The following EML4 variants were observed in gnomAD, a reference collection of about 807,000 sequenced individuals.
EML4 encodes the protein echinoderm microtubule-associated protein-like 4.
EML4 carries 72 observed loss-of-function variants against 129.0 expected under a neutral mutation model. That is an observed-to-expected ratio of 0.56 (90% CI 0.46 to 0.68). EML4 has a LOEUF of 0.68. Among genes scored for constraint, EML4 ranks in the 30% least tolerant of loss-of-function variants. The pLI, the probability that EML4 is intolerant of heterozygous loss-of-function variation, is 0.00. For missense variants in EML4, 1,363 were observed against 1,190.6 expected (o/e 1.14, Z -2.13); for synonymous variants, 532 against 405.0 (o/e 1.31, Z -3.77).
intron 19 of EML4, among the ~76,000 whole-genome samples, chr2:42,320,674 G>C (rs531697503): frequency 6.6e-6 from 1 of 152,232 alleles, no homozygotes; most frequent in South Asian, 2.1e-4. Flanking sequence ...TATTTTCCTT[G>C]AAAGATTTTA....
At chr2:42,299,779 C>T (rs1668177275) in intron 13 of EML4, among the ~76,000 whole-genome samples, 1 of 152,184 alleles carries the variant, frequency 6.6e-6, no homozygotes, top group Admixed American at 6.5e-5. Flanking sequence ...ACCTCCGCCT[C>T]CCAGGTTCAA....
At chr2:42,252,124 C>A (rs976202685) in intron 2 of EML4, among the ~76,000 whole-genome samples, 3 of 152,152 alleles carry the variant, frequency 2.0e-5, no homozygotes, top group African/African-American at 7.2e-5. Flanking sequence ...AGAAGGATTT[C>A]AGATTTTGAG....
At chr2:42,297,304 T>C (rs72972041) in intron 13 of EML4, among the ~76,000 whole-genome samples, 1 of 152,208 alleles carries the variant, frequency 6.6e-6, no homozygotes, top group Admixed American at 6.5e-5. Context: ...ACAGTGACTT[T>C]TAAATTGTTC....
chr2:42,252,605 G>C (rs755642417), intron 2 of EML4, among the ~76,000 whole-genome samples: 5 of 152,076 alleles, frequency 3.3e-5, no homozygotes, highest in Non-Finnish European at 7.4e-5. Context: ...CCCCTCTTTT[G>C]TTCTACGTGC....
chr2:42,265,064 G>T, intron 6 of EML4: 1 of 1,025,454 alleles, frequency 9.8e-7, no homozygotes, highest in Non-Finnish European at 1.5e-6. Flanking sequence ...AGGAAATACA[G>T]TGATTTGAGC....
At chr2:42,325,954 A>C (rs1377524706) in intron 20 of EML4, 200 bp from the exon 21 acceptor site, 2 of 356,058 alleles carry the variant, frequency 5.6e-6, no homozygotes, top group Admixed American at 1.3e-4. Context: ...AGGAAAAAAA[A>C]AACTTCCATG....
rs1336504341 is a variant in EML4 at position 42,328,949 on chromosome 2, A to T, written c.2405A>T (p.Lys802Met). ...GCACTGGTGCGATCCCACAATAGAA[A>T]GGTGATAGCTGTTGCCGATGACTTT... ...INALVRSHNRKVIAVADDFCK... is the reference protein window; with the variant it reads ...INALVRSHNRMVIAVADDFCK... Residue 802 changes from lysine to methionine, a missense_variant, in exon 22 of 23, where the codon AAG (lysine) becomes ATG (methionine). Lys to Met is a moderately conservative substitution (Grantham distance 95). Transcript: ENST00000318522. 1.2e-6 allele frequency: 2 copies of T among 1,613,564 alleles called. No homozygotes were observed. Among genetic ancestry groups the T allele is most frequent in the Non-Finnish European group, 1.7e-6 (2 of 1,179,792 alleles).
chr2:42,284,677 A>G lies in EML4; in HGVS notation c.985A>G (p.Ile329Val). The G allele has an allele frequency of 6.2e-7, 1 of 1,612,934 alleles. No individual in the cohort carries two copies. The highest frequency in any genetic ancestry group is 8.5e-7 in the Non-Finnish European group (1 of 1,179,418). ...PDKIRIATGQ[I>V]AGVDKDGRPL... ...CAAAATTAGGATTGCAACTGGACAG[A>G]TAGCTGGCGTGGATAAAGATGGAAG... The change falls in exon 9 of 23, where the codon ATA becomes GTA. Residue 329 changes from isoleucine (I) to valine (V), a missense_variant. Coordinates refer to ENST00000318522, the MANE Select transcript of EML4 (RefSeq NM_019063.5).
chr2:42,186,791 T>G (rs949728026), intron 1 of EML4, among the ~76,000 whole-genome samples: 1 of 152,160 alleles, frequency 6.6e-6, no homozygotes, highest in Non-Finnish European at 1.5e-5. Flanking sequence ...CTTCAAAATT[T>G]TTAAATCAGC....
intron 1 of EML4, among the ~76,000 whole-genome samples, chr2:42,223,930 C>G (rs576097851): frequency 6.6e-6 from 1 of 152,196 alleles, no homozygotes; most frequent in Non-Finnish European, 1.5e-5. Context: ...ACTACGGGTT[C>G]TCCTTCCTTT....
intron 13 of EML4, among the ~76,000 whole-genome samples, chr2:42,298,265 A>G (rs1006682964): frequency 1.3e-5 from 2 of 152,172 alleles, no homozygotes; most frequent in Non-Finnish European, 2.9e-5. Flanking sequence ...CCTTCCAAAC[A>G]TCTTTATTTG....
chr2:42,325,260 G>C, intron 19 of EML4: 1 of 611,888 alleles, frequency 1.6e-6, no homozygotes, highest in Admixed American at 1.8e-5. Context: ...CTAGTTTCTG[G>C]TATCTAGATA....
chr2:42,180,132 T>C (rs1670846957), intron 1 of EML4, among the ~76,000 whole-genome samples: 1 of 152,246 alleles, frequency 6.6e-6, no homozygotes, highest in Non-Finnish European at 1.5e-5. Context: ...AACTTTGCAT[T>C]ATACTTCATA....
chr2:42,327,021 A>C (rs954911396), intron 21 of EML4, among the ~76,000 whole-genome samples: 19 of 151,900 alleles, frequency 1.3e-4, no homozygotes, highest in African/African-American at 4.6e-4. Flanking sequence ...CTTATCCTCT[A>C]CCCCACCCCC....
intron 1 of EML4, among the ~76,000 whole-genome samples, chr2:42,185,475 A>G (rs531258919): frequency 6.6e-6 from 1 of 152,104 alleles, no homozygotes; most frequent in Non-Finnish European, 1.5e-5. Context: ...AAAGTTTTCA[A>G]CCCTTGCTTA....
chr2:42,278,312 C>T (rs143908625), intron 6 of EML4, among the ~76,000 whole-genome samples: 72 of 152,256 alleles, frequency 4.7e-4, no homozygotes, highest in African/African-American at 1.7e-3. Flanking sequence ...GTGGCTCACA[C>T]AGGTAATCCC....
intron 10 of EML4, among the ~76,000 whole-genome samples, chr2:42,287,890 T>G (rs977955353): frequency 6.6e-6 from 1 of 152,086 alleles, no homozygotes; most frequent in Non-Finnish European, 1.5e-5. Context: ...AAAAATAGCT[T>G]AATACAGGCA....
chr2:42,256,563 A>G lies in EML4; in HGVS notation c.271A>G (p.Arg91Gly), dbSNP rs1286454341. ...TATAACCAATGGAAGTGGTGCAAACAGAAAACCAAGTCATACCAGTGCTGT... is the reference window on the plus strand; with the variant it reads ...TATAACCAATGGAAGTGGTGCAAACGGAAAACCAAGTCATACCAGTGCTGT... ...SCITNGSGAN[R>G]KPSHTSAVSI... The change falls in exon 3 of 23, where the codon AGA becomes GGA. Residue 91 changes from arginine to glycine, a missense_variant. Physicochemically the swap from Arg to Gly is moderately radical, Grantham distance 125. Coordinates refer to ENST00000318522, the MANE Select transcript of EML4 (RefSeq NM_019063.5). 1 of 1,614,016 alleles carries G rather than the reference A, an allele frequency of 6.2e-7. No homozygotes were observed. The highest frequency in any genetic ancestry group is 1.1e-5 in the South Asian group (1 of 91,076).
intron 6 of EML4, among the ~76,000 whole-genome samples, chr2:42,270,138 G>C (rs542119629): frequency 6.6e-6 from 1 of 152,286 alleles, no homozygotes; most frequent in South Asian, 2.1e-4. Context: ...TTTAGGCTTA[G>C]ATTAGATATC....
Sources: allele counts gnomAD v4.1 joint callset (sites outside exome capture counted in the v4.1 genomes callset), GRCh38; gene constraint gnomAD v4.1.1; transcripts MANE v1.5; gene names NCBI Gene and HGNC (gene_info 2026-07-23, HGNC 2026-07-21).